Variants in DCC observed in about 807,000 individuals in gnomAD.
The protein encoded by DCC is DCC netrin 1 receptor, also known as netrin receptor DCC.
In DCC, 58 loss-of-function variants were observed where a neutral mutation model predicts 172.5. The ratio of observed to expected loss-of-function variants is 0.34; its 90% CI spans 0.27 to 0.42. The LOEUF (loss-of-function observed/expected upper bound fraction) is 0.42. Ranked by LOEUF, DCC falls within the 10% of genes least tolerant of loss-of-function variation. DCC has a pLI of 1.00. For synonymous variants in DCC, 709 were observed against 644.5 expected, an observed-to-expected ratio of 1.10 and a Z score of -1.52; for missense variants, 1,740 against 1,791.0, an observed-to-expected ratio of 0.97 and a Z score of 0.51.
intron 5 of DCC, among the ~76,000 whole-genome samples, chr18:53,004,939 T>C (rs1177930551): frequency 1.3e-5 from 2 of 152,194 alleles, no homozygotes; most frequent in Non-Finnish European, 2.9e-5. Flanking sequence ...TAGTAAGAAG[T>C]GATTAGGTCA....
intron 1 of DCC, among the ~76,000 whole-genome samples, chr18:52,671,450 A>G (rs2035551221): frequency 6.6e-6 from 1 of 151,984 alleles, no homozygotes; most frequent in African/African-American, 2.4e-5. Context: ...AAAAAATCAA[A>G]AGGCTCAGAT....
chr18:53,256,614 G>T (rs2056520486), intron 12 of DCC, among the ~76,000 whole-genome samples: 1 of 152,066 alleles, frequency 6.6e-6, no homozygotes, highest in Non-Finnish European at 1.5e-5. Context: ...GGTTACTGTA[G>T]CCTTGTAGTA....
At chr18:53,363,024 C>T (rs1187633013) in intron 15 of DCC, among the ~76,000 whole-genome samples, 1 of 152,066 alleles carries the variant, frequency 6.6e-6, no homozygotes, top group East Asian at 1.9e-4. Context: ...TGATTGACGC[C>T]ATCTTACAAT....
At chr18:53,203,735 A>G (rs1411550012) in intron 9 of DCC, among the ~76,000 whole-genome samples, 2 of 152,192 alleles carry the variant, frequency 1.3e-5, no homozygotes, top group South Asian at 2.1e-4. Flanking sequence ...ACAGGCCTAC[A>G]ATGTATATCT....
intron 1 of DCC, among the ~76,000 whole-genome samples, chr18:52,434,797 T>C (rs1381023013): frequency 6.6e-6 from 1 of 152,110 alleles, no homozygotes; most frequent in Non-Finnish European, 1.5e-5. Flanking sequence ...AGACACCTAG[T>C]CACTGCCCCA....
At chr18:53,030,651 G>C (rs139725787) in intron 5 of DCC, among the ~76,000 whole-genome samples, 1 of 152,176 alleles carries the variant, frequency 6.6e-6, no homozygotes, top group East Asian at 1.9e-4. Flanking sequence ...TTCTAGTTGA[G>C]GATTAGTGGA....
chr18:53,214,981 C>T (rs1005624660), intron 11 of DCC, among the ~76,000 whole-genome samples: 1 of 152,146 alleles, frequency 6.6e-6, no homozygotes, highest in African/African-American at 2.4e-5. Context: ...ATAGAATTGA[C>T]TCATCAAGTG....
In DCC at chr18:53,397,465, A is replaced by G. The variant is rs773534072; in HGVS notation, c.2827+19A>G. The G allele has an allele frequency of 5.6e-6, 9 of 1,613,746 alleles. No individual in the cohort carries two copies. Among genetic ancestry groups the G allele is most frequent in the Non-Finnish European group, 5.9e-6 (7 of 1,179,796 alleles). On this transcript the variant is annotated intron_variant, in intron 18 of 28. Transcript: ENST00000442544. ...GAAGCAGGTATGTGAGGAAATGTCT[A>G]CTTTGGACCCTTGATAATGGTGTTT...
intron 24 of DCC, among the ~76,000 whole-genome samples, chr18:53,466,006 C>T (rs1432499905): frequency 3.3e-5 from 5 of 152,120 alleles, no homozygotes; most frequent in Middle Eastern, 3.2e-3. Flanking sequence ...CCTCATGATC[C>T]GCCCACCTCA....
chr18:53,009,439 T>C (rs7233818), intron 5 of DCC, among the ~76,000 whole-genome samples: 110,305 of 151,706 alleles, frequency 0.73, 40,262 homozygotes, highest in East Asian at 0.75. Context: ...ACACTAAAAC[T>C]GTGTCACTAA....
chr18:52,574,127 G>A lies in DCC; in HGVS notation c.92-177927G>A, dbSNP rs1181062084. On this transcript the variant is annotated intron_variant, in intron 1 of 28. Transcript: ENST00000442544. ...CAGCAAATATTTGAATTTCTATGATGTTGTTTAACGTTTTTAAATCACTTT... is the reference window on the plus strand; with the variant it reads ...CAGCAAATATTTGAATTTCTATGATATTGTTTAACGTTTTTAAATCACTTT... Among the ~76,000 whole-genome samples the A allele has an allele frequency of 1.7e-4, 26 of 152,132 alleles. 1 individual carries two copies. Among genetic ancestry groups the A allele is most frequent in the Non-Finnish European group, 4.4e-5 (3 of 68,026 alleles).
intron 13 of DCC, among the ~76,000 whole-genome samples, chr18:53,314,263 T>G (rs887404086): frequency 3.3e-5 from 5 of 152,238 alleles, no homozygotes. Context: ...CTGCTTTATA[T>G]CATGCACTTA....
chr18:53,004,167 T>C (rs1191829895), intron 5 of DCC, among the ~76,000 whole-genome samples: 2 of 152,224 alleles, frequency 1.3e-5, no homozygotes, highest in Non-Finnish European at 1.5e-5. Flanking sequence ...ATCTTTCTTA[T>C]GGTTTAGGGA....
chr18:52,578,455 A>G (rs1195201053), intron 1 of DCC, among the ~76,000 whole-genome samples: 6 of 152,154 alleles, frequency 3.9e-5, no homozygotes, highest in Non-Finnish European at 8.8e-5. Context: ...CCCTTGATAG[A>G]CATTTAGGTG....
chr18:52,413,471 CCT>C (rs1248092982), intron 1 of DCC, among the ~76,000 whole-genome samples: 1 of 151,704 alleles, frequency 6.6e-6, no homozygotes, highest in African/African-American at 2.4e-5. Flanking sequence ...ATCTATATAA[CCT>C]CTCTTCTGAC....
At chr18:52,396,007 C>CAA (rs1986212863) in intron 1 of DCC, among the ~76,000 whole-genome samples, 1 of 151,846 alleles carries the variant, frequency 6.6e-6, no homozygotes. Context: ...ACCCTCCCTG[C>CAA]TGAGTTCTAG....
At chr18:52,723,839 C>T (rs571014709) in intron 1 of DCC, among the ~76,000 whole-genome samples, 57 of 152,256 alleles carry the variant, frequency 3.7e-4, no homozygotes, top group Admixed American at 1.2e-3. Context: ...GAGGTAAGGG[C>T]AAAGGCGAGC....
chr18:52,905,852 C>CT (rs574694659), intron 2 of DCC, among the ~76,000 whole-genome samples, 192 bp from the exon 3 acceptor site: 22 of 152,146 alleles, frequency 1.4e-4, no homozygotes, highest in Non-Finnish European at 2.5e-4. Context: ...ATCTTCATTA[C>CT]TTTTTAGCCT....
intron 12 of DCC, among the ~76,000 whole-genome samples, chr18:53,302,116 C>G (rs1283880858): frequency 6.6e-6 from 1 of 152,162 alleles, no homozygotes; most frequent in East Asian, 1.9e-4. Flanking sequence ...AGACACCAAT[C>G]ATGTCATATT....
Sources: gnomAD v4.1 joint callset for allele counts (sites outside exome capture counted in the v4.1 genomes callset) on GRCh38, gnomAD v4.1.1 for gene constraint, MANE v1.5 for transcripts, NCBI Gene and HGNC (gene_info 2026-07-23, HGNC 2026-07-21) for gene names.